Variants in FRMPD4 observed in about 807,000 individuals in gnomAD.
FRMPD4 encodes the protein FERM and PDZ domain-containing protein 4.
FRMPD4 carries 22 observed loss-of-function variants against 94.1 expected under a neutral mutation model. The observed-to-expected ratio is 0.23, with a 90% CI of 0.17 to 0.33. FRMPD4 has a LOEUF of 0.33. Ranked by LOEUF, FRMPD4 falls within the 10% of genes least tolerant of loss-of-function variation. The pLI is 1.00. For synonymous variants in FRMPD4, 631 were observed against 548.6 expected, an observed-to-expected ratio of 1.15 and a Z score of -2.10; for missense variants, 1,111 against 1,339.9, an observed-to-expected ratio of 0.83 and a Z score of 2.67.
intron 3 of FRMPD4, among the ~76,000 whole-genome samples, chrX:12,080,630 A>G (rs1379769442): frequency 8.9e-6 from 1 of 112,478 alleles, no homozygotes; most frequent in Non-Finnish European, 1.9e-5. Flanking sequence ...AGAAAATATC[A>G]GCACCTGTAG....
At chrX:11,943,721 T>G (rs2054174625) in intron 3 of FRMPD4, among the ~76,000 whole-genome samples, 1 of 112,165 alleles carries the variant, frequency 8.9e-6, no homozygotes, top group African/African-American at 3.2e-5. Context: ...TGGGAGACAA[T>G]GCTATTTATT....
intron 1 of FRMPD4, among the ~76,000 whole-genome samples, chrX:12,487,270 A>G (rs1329851732): frequency 8.9e-6 from 1 of 111,982 alleles, no homozygotes; most frequent in African/African-American, 3.2e-5. Context: ...CATTCCTTTC[A>G]GGGCGGGGAC....
At chrX:12,396,479 C>T (rs1484382617) in intron 1 of FRMPD4, among the ~76,000 whole-genome samples, 2 of 112,041 alleles carry the variant, frequency 1.8e-5, no homozygotes, top group South Asian at 3.7e-4. Context: ...GAATATTCCA[C>T]GTTTTGTTTA....
At chrX:12,367,532 A>G (rs1257456618) in intron 1 of FRMPD4, among the ~76,000 whole-genome samples, 1 of 111,827 alleles carries the variant, frequency 8.9e-6, no homozygotes, top group Non-Finnish European at 1.9e-5. Flanking sequence ...TGCAGAGAGG[A>G]GATTGGAGGG....
chrX:11,986,518 T>C (rs993819897), intron 3 of FRMPD4, among the ~76,000 whole-genome samples: 2 of 111,167 alleles, frequency 1.8e-5, no homozygotes, highest in Non-Finnish European at 3.8e-5. Context: ...CTTAAGGAAC[T>C]AGAAAAGCAA....
At chrX:12,345,813 T>G (rs1369851502) in intron 1 of FRMPD4, among the ~76,000 whole-genome samples, 1 of 111,741 alleles carries the variant, frequency 8.9e-6, no homozygotes, top group Non-Finnish European at 1.9e-5. Flanking sequence ...AATACAACAA[T>G]ATATGGCGTG....
intron 1 of FRMPD4, among the ~76,000 whole-genome samples, chrX:12,390,381 C>T (rs1200178432): frequency 8.9e-6 from 1 of 112,317 alleles, no homozygotes; most frequent in Non-Finnish European, 1.9e-5. Context: ...AATATTTGTT[C>T]GTGAGATGAT....
At chrX:12,488,890 G>A (rs773515506) in intron 1 of FRMPD4, among the ~76,000 whole-genome samples, 1 of 111,871 alleles carries the variant, frequency 8.9e-6, no homozygotes, top group Non-Finnish European at 1.9e-5. Context: ...ATAAATCAGA[G>A]GTCAGCAAAC....
At chrX:12,468,553 T>C (rs1442534299) in intron 1 of FRMPD4, among the ~76,000 whole-genome samples, 1 of 111,966 alleles carries the variant, frequency 8.9e-6, no homozygotes, top group Non-Finnish European at 1.9e-5. Context: ...ATTAGGAGGA[T>C]GGAAGTTCTT....
intron 1 of FRMPD4, among the ~76,000 whole-genome samples, chrX:12,447,635 G>A (rs1240072786): frequency 8.9e-6 from 1 of 111,774 alleles, no homozygotes; most frequent in Non-Finnish European, 1.9e-5. Flanking sequence ...ATTTCCCTAG[G>A]TTGCAAGTGG....
Position 12,355,112 on chromosome X carries a change from T to C in FRMPD4, c.42-143568T>C, listed in dbSNP as rs144244925. On this transcript the variant is annotated intron_variant, in intron 1 of 16. Transcript: ENST00000675598. The stretch of plus-strand genomic sequence containing the variant: ...TCCTTCCTGGTATTTCAGTATCTAC[T>C]TAGCACATTATAAGCATGCTTTCTG... Among the ~76,000 whole-genome samples, 554 of 112,131 alleles carry C rather than the reference T, an allele frequency of 4.9e-3. 3 individuals are homozygous for C. Among genetic ancestry groups the C allele is most frequent in the Middle Eastern group, 0.018 (4 of 219 alleles).
chrX:12,463,683 T>TTTTG (rs2057416900), intron 1 of FRMPD4, among the ~76,000 whole-genome samples: 1 of 29,425 alleles, frequency 3.4e-5, no homozygotes, highest in Non-Finnish European at 7.6e-5. Context: ...ATGTGTGTGT[T>TTTTG]TTTTTTTTGT....
intron 4 of FRMPD4, among the ~76,000 whole-genome samples, chrX:12,619,409 C>A (rs185715813): frequency 8.9e-6 from 1 of 111,887 alleles, no homozygotes; most frequent in East Asian, 2.8e-4. Flanking sequence ...TCCCCCATAG[C>A]AACTATAATT....
chrX:12,358,803 CA>C (rs1234180667), intron 1 of FRMPD4, among the ~76,000 whole-genome samples: 6 of 111,802 alleles, frequency 5.4e-5, no homozygotes, highest in Admixed American at 3.8e-4. Flanking sequence ...TCTGTAAGAA[CA>C]AGTGGGGGAA....
chrX:12,052,857 A>T (rs183914011), intron 3 of FRMPD4, among the ~76,000 whole-genome samples: 4 of 112,185 alleles, frequency 3.6e-5, no homozygotes, highest in Non-Finnish European at 7.5e-5. Flanking sequence ...AATATTATCA[A>T]CATAAATATG....
intron 1 of FRMPD4, among the ~76,000 whole-genome samples, chrX:12,421,615 T>C (rs1432764337): frequency 9.1e-6 from 1 of 109,501 alleles, no homozygotes; most frequent in African/African-American, 3.3e-5. Context: ...AAAAATTAGC[T>C]GAGCATGGTG....
chrX:11,847,888 C>A (rs867479315), intron 1 of FRMPD4, among the ~76,000 whole-genome samples: 2 of 39,587 alleles, frequency 5.1e-5, no homozygotes, highest in African/African-American at 2.3e-4. Context: ...GTTGTGGGGT[C>A]GGGGGAGGGG....
intron 4 of FRMPD4, among the ~76,000 whole-genome samples, chrX:12,634,744 G>A (rs2059426621): frequency 9.3e-6 from 1 of 107,915 alleles, no homozygotes. Flanking sequence ...TCCATTATTT[G>A]ACAAAGTAAT....
chrX:12,245,807 C>T (rs1414283205), intron 1 of FRMPD4, among the ~76,000 whole-genome samples: 2 of 110,904 alleles, frequency 1.8e-5, no homozygotes, highest in African/African-American at 6.6e-5. Flanking sequence ...CTCTTGTGCT[C>T]CTTTGCCCTT....
Sources: allele counts gnomAD v4.1 joint callset (sites outside exome capture counted in the v4.1 genomes callset), GRCh38; gene constraint gnomAD v4.1.1; transcripts MANE v1.5; gene names NCBI Gene and HGNC (gene_info 2026-07-23, HGNC 2026-07-21).